PRKAR1A: variants seen among roughly 807,000 people sequenced by gnomAD.
The protein encoded by PRKAR1A is cAMP-dependent protein kinase type I-alpha regulatory subunit.
In PRKAR1A, 3 loss-of-function variants were observed where a neutral mutation model predicts 52.0. That is an observed-to-expected ratio of 0.06 (90% CI 0.03 to 0.15). The LOEUF (loss-of-function observed/expected upper bound fraction) is 0.15. Ranked by LOEUF, PRKAR1A falls within the 10% of genes least tolerant of loss-of-function variation. PRKAR1A has a pLI of 1.00. For synonymous variants in PRKAR1A, 188 were observed against 168.4 expected (o/e 1.12, Z -0.90); for missense variants, 240 against 477.4 (o/e 0.50, Z 4.63).
intron 11 of PRKAR1A, among the ~76,000 whole-genome samples, chr17:68,547,897 A>G (rs1568731912): frequency 6.6e-6 from 1 of 152,038 alleles, no homozygotes; most frequent in African/African-American, 2.4e-5. Context: ...TTGGCTTTCA[A>G]CGTGCCTTCC....
At chr17:68,519,131 C>G (rs755841347) in intron 2 of PRKAR1A, among the ~76,000 whole-genome samples, 2 of 152,148 alleles carry the variant, frequency 1.3e-5, no homozygotes, top group Non-Finnish European at 2.9e-5. Context: ...CCAGACTGTT[C>G]CACCCTCTTC....
the PRKAR1A span, among the ~76,000 whole-genome samples, chr17:68,472,894 A>C: frequency 6.6e-6 from 1 of 152,192 alleles, no homozygotes; most frequent in South Asian, 2.1e-4. Context: ...GCAGTGAGCC[A>C]AGATCATGCC....
At chr17:68,432,962 T>C in the PRKAR1A span, among the ~76,000 whole-genome samples, 1 of 152,366 alleles carries the variant, frequency 6.6e-6, no homozygotes, top group East Asian at 1.9e-4. Flanking sequence ...TATCCATTTT[T>C]TAGGCTTTTC....
At chr17:68,452,831 G>T in the PRKAR1A span, 12 of 1,312,060 alleles carry the variant, frequency 9.1e-6, no homozygotes, top group Non-Finnish European at 1.3e-5. Flanking sequence ...TAGGCAGCTT[G>T]GTAGCACCGC....
At chr17:68,430,244 G>C in the PRKAR1A span, 4 of 1,384,964 alleles carry the variant, frequency 2.9e-6, no homozygotes, top group Non-Finnish European at 3.9e-6. Context: ...AGCGTCATTA[G>C]CCACACTCCC....
chr17:68,436,528 T>C, the PRKAR1A span: 6 of 1,569,432 alleles, frequency 3.8e-6, no homozygotes, highest in Non-Finnish European at 5.3e-6. Flanking sequence ...AAGGGAGAGA[T>C]TGCACGGCTG....
chr17:68,415,601 T>C, the PRKAR1A span, among the ~76,000 whole-genome samples: 1 of 152,222 alleles, frequency 6.6e-6, no homozygotes, highest in African/African-American at 2.4e-5. Flanking sequence ...ATGACCTGTC[T>C]AGTGCTGTCA....
At chr17:68,478,916 C>CG in the PRKAR1A span, among the ~76,000 whole-genome samples, 8 of 152,128 alleles carry the variant, frequency 5.3e-5, no homozygotes, top group African/African-American at 1.9e-4. Context: ...TTAGTAGAGA[C>CG]GGGGTTTCAC....
At chr17:68,437,056 C>A in the PRKAR1A span, among the ~76,000 whole-genome samples, 8 of 119,202 alleles carry the variant, frequency 6.7e-5, no homozygotes, top group African/African-American at 3.1e-4. Flanking sequence ...CTCATTTTTA[C>A]ATTTTACCCC....
intron 7 of PRKAR1A, among the ~76,000 whole-genome samples, chr17:68,527,082 C>CT: frequency 6.6e-6 from 1 of 152,154 alleles, no homozygotes; most frequent in East Asian, 1.9e-4. Context: ...ATGTTTACAG[C>CT]TTTATCTCAT....
downstream of PRKAR1A, chr17:68,535,183 GAGTA>G (rs1212900988): frequency 1.1e-5 from 5 of 435,586 alleles, no homozygotes; most frequent in African/African-American, 1.0e-4. Flanking sequence ...GGAAGAACTC[GAGTA>G]AGAATGAAAC....
At chr17:68,476,979 T>A in the PRKAR1A span, among the ~76,000 whole-genome samples, 1 of 152,120 alleles carries the variant, frequency 6.6e-6, no homozygotes, top group Non-Finnish European at 1.5e-5. Flanking sequence ...ACTTTTAATG[T>A]CTGTTTTGTT....
chr17:68,447,077 TTCA>T, the PRKAR1A span, among the ~76,000 whole-genome samples: 1 of 152,212 alleles, frequency 6.6e-6, no homozygotes, highest in Non-Finnish European at 1.5e-5. Flanking sequence ...TGCTTTGAAT[TTCA>T]TCTACTTTTC....
chr17:68,486,525 CTTTCTT>C, the PRKAR1A span, among the ~76,000 whole-genome samples: 18 of 111,712 alleles, frequency 1.6e-4, no homozygotes, highest in South Asian at 6.0e-4. Flanking sequence ...TTCTTTCTTT[CTTTCTT>C]TCTTTCTTTC....
chr17:68,419,347 T>G, the PRKAR1A span, among the ~76,000 whole-genome samples: 1 of 151,788 alleles, frequency 6.6e-6, no homozygotes, highest in Non-Finnish European at 1.5e-5. Context: ...GATCATGAGG[T>G]TAGGAGTTCG....
At chr17:68,472,941 T>C in the PRKAR1A span, among the ~76,000 whole-genome samples, 3 of 151,730 alleles carry the variant, frequency 2.0e-5, no homozygotes, top group Non-Finnish European at 4.4e-5. Context: ...TGATACTCTG[T>C]CTCAAAAAAA....
chr17:68,542,717 T>C, intron 11 of PRKAR1A: 2 of 1,613,986 alleles, frequency 1.2e-6, no homozygotes, highest in Non-Finnish European at 1.7e-6. Context: ...GAAAACACTC[T>C]GCAGGATTTC....
the PRKAR1A span, among the ~76,000 whole-genome samples, chr17:68,465,250 T>G: frequency 6.6e-6 from 1 of 151,838 alleles, no homozygotes; most frequent in African/African-American, 2.4e-5. Context: ...GTTATTTTTA[T>G]AAGTTACTCC....
the PRKAR1A span, chr17:68,425,849 C>G: frequency 2.1e-6 from 1 of 470,014 alleles, no homozygotes; most frequent in South Asian, 3.3e-5. Context: ...GATTAGTATT[C>G]GGTGACTCTA....
Sources: allele counts gnomAD v4.1 joint callset (sites outside exome capture counted in the v4.1 genomes callset), GRCh38; gene constraint gnomAD v4.1.1; transcripts MANE v1.5; gene names NCBI Gene and HGNC (gene_info 2026-07-23, HGNC 2026-07-21).